The following FLNC variants were observed in gnomAD, a reference collection of about 807,000 sequenced individuals.
FLNC encodes filamin-C.
In FLNC, 91 loss-of-function variants were observed where a neutral mutation model predicts 254.3. The observed-to-expected ratio is 0.36, with a 90% CI of 0.30 to 0.43. FLNC has a LOEUF of 0.43. Ranked by LOEUF, FLNC falls within the 20% of genes least tolerant of loss-of-function variation. The pLI, the probability that FLNC is intolerant of heterozygous loss-of-function variation, is 1.00. For synonymous variants in FLNC, 1,430 were observed against 1,577.2 expected (o/e 0.91, Z 2.21); for missense variants, 2,853 against 3,802.6 (o/e 0.75, Z 6.57).
rs770606675 is a variant in FLNC, at chr7:128,841,304, C to T, written c.1948C>T (p.Arg650Ter). Residue 650 changes from arginine (R) to a stop codon, truncating the protein, a stop_gained, in exon 12 of 48, where the codon CGA becomes TGA. Coordinates refer to ENST00000325888, the MANE Select transcript of FLNC (RefSeq NM_001458.5). LOFTEE classifies it high-confidence loss of function. This position sits in a 1 kb window ranked among gnomAD's most constrained non-coding sequence, Gnocchi z 4.3. ...CGTCATCTGTGACGATGAGGACATC[C>T]GAGACTCACCCTTCATTGCCCACAT... is the stretch of plus-strand genomic sequence containing the variant. ...VHVICDDEDI[R>*]DSPFIAHILP... 3.1e-6 allele frequency: 5 copies of T among 1,614,086 alleles called. No homozygotes were observed. The highest frequency in any genetic ancestry group is 2.2e-5 in the East Asian group (1 of 44,890).
Position 128,854,009 on chromosome 7 carries a change from C to T in FLNC, c.6520C>T (p.Leu2174=), listed in dbSNP as rs750187344. 6.2e-7 allele frequency: 1 copy of T among 1,613,326 alleles called. No individual in the cohort carries two copies. The highest frequency in any genetic ancestry group is 8.5e-7 in the Non-Finnish European group (1 of 1,180,022). Residue 2174 remains leucine, a synonymous_variant, in exon 40 of 48, where the codon CTG becomes TTG. Transcript: ENST00000325888. ...WFQMVSAQER[L]TRTFTRSSHT... ...CCAGATGGTGTCTGCCCAGGAGCGC[C>T]TGACACGCACCTTCACACGCAGCAG...
Position 128,840,844 on chromosome 7 carries a change from G to T in FLNC, c.1687G>T (p.Val563Leu), listed in dbSNP as rs1322544720. The T allele has an allele frequency of 6.2e-7, 1 of 1,613,796 alleles. No homozygotes were observed. Among genetic ancestry groups the T allele is most frequent in the South Asian group, 1.1e-5 (1 of 91,070 alleles). The stretch of plus-strand genomic sequence containing the variant: ...TCCCTCTCTGCCCAGCCCCTTTGAG[G>T]TACAGGTGAGCCCAGAGGCAGGAGT... ...GYAIPRSPFE[V>L]QVSPEAGVQK... is the part of the protein sequence containing the mutation. The change falls in exon 11 of 48, where the codon GTA (valine) becomes TTA (leucine). Residue 563 changes from valine (V) to leucine (L), a missense_variant. Coordinates refer to ENST00000325888, the MANE Select transcript of FLNC (RefSeq NM_001458.5).
rs1159994552 is a variant in FLNC, at chr7:128,846,453, G to A, written c.4117G>A (p.Val1373Met). The A allele has an allele frequency of 9.4e-6, 15 of 1,601,882 alleles. No individual in the cohort carries two copies. Among genetic ancestry groups the A allele is most frequent in the Non-Finnish European group, 1.1e-5 (13 of 1,179,956 alleles). Residue 1373 changes from valine (V) to methionine (M), a missense_variant, in exon 23 of 48, where the codon GTG becomes ATG. This residue lies in a region of FLNC where 1,573 missense variants were observed against 1,883.5 expected (regional missense o/e 0.84). Transcript: ENST00000325888. ...GLVNKANRFT[V>M]ETRGAGTGGL... ...GGTCAACAAGGCCAACCGATTCACT[G>A]TGGAGACCAGGTATCCTCCCCCTTT... is the stretch of plus-strand genomic sequence containing the variant.
At position 128,844,088 on chromosome 7, in the gene FLNC, C is replaced by A; in HGVS notation, c.3014C>A (p.Ser1005Ter). Residue 1005 changes from serine (S) to a stop codon, truncating the protein, a stop_gained, in exon 20 of 48, where the codon TCG becomes TAG. Transcript: ENST00000325888. LOFTEE classifies it high-confidence loss of function. ...GGCCAACTGGATGTGCGGATGACTT[C>A]GCCCTCTCGCCGGCCCATCCCCTGC... ...GQGQLDVRMT[S>*]PSRRPIPCKL... 6.2e-7 allele frequency: 1 copy of A among 1,613,966 alleles called. No individual in the cohort carries two copies. The highest frequency in any genetic ancestry group is 8.5e-7 in the Non-Finnish European group (1 of 1,180,038).
chr7:128,843,436 C>T lies in FLNC; in HGVS notation c.2670C>T (p.Phe890=). The T allele has an allele frequency of 6.2e-7, 1 of 1,614,132 alleles. No individual in the cohort carries two copies. The highest frequency in any genetic ancestry group is 2.2e-5 in the East Asian group (1 of 44,890). ...TGVEVGKPTH[F]TVLTKGAGKA... is the part of the protein sequence containing the mutation. ...TGGAAGTCGGGAAGCCCACCCACTT[C>T]ACGGTGCTGACCAAGGGAGCCGGCA... The change falls in exon 18 of 48, where the codon TTC becomes TTT. Residue 890 remains phenylalanine, a synonymous_variant. Transcript: ENST00000325888.
intron 35 of FLNC, 150 bp from the exon 36 acceptor site, chr7:128,852,441 C>T: frequency 1.2e-6 from 1 of 840,214 alleles, no homozygotes; most frequent in Non-Finnish European, 2.0e-6. Context: ...GTGCAGACTG[C>T]ACTTTCCAGG....
Position 128,854,580 on chromosome 7 carries a change from G to T in FLNC, c.6895G>T (p.Gly2299Cys). The change falls in exon 41 of 48, where the codon GGC becomes TGC. Residue 2299 changes from glycine (G) to cysteine (C), a missense_variant. Physicochemically the swap from Gly to Cys is radical, Grantham distance 159. Around this residue, in one of 10 missense-constraint regions of FLNC, gnomAD observed 551 missense variants for 835.0 expected, o/e 0.66. Coordinates refer to ENST00000325888, the MANE Select transcript of FLNC (RefSeq NM_001458.5). ...CAAGTACCGTGGCCAGCACGTGCCCGGCAGCCCCTTTCAGTTCACTGTGGG... is the reference window on the plus strand; with the variant it reads ...CAAGTACCGTGGCCAGCACGTGCCCTGCAGCCCCTTTCAGTTCACTGTGGG... ...AVKYRGQHVP[G>C]SPFQFTVGPL... 1 of 1,609,532 alleles carries T rather than the reference G, an allele frequency of 6.2e-7. No individual in the cohort carries two copies. The highest frequency in any genetic ancestry group is 8.5e-7 in the Non-Finnish European group (1 of 1,178,442).
In FLNC at chr7:128,853,624, A is replaced by G. The variant is rs1253447059; in HGVS notation, c.6361+3A>G. ...GTTTGCTGACAAGCACGTGCCTGGT[A>G]AGGCTCTGGGCAGAGGTCGGTGGCG... is the stretch of plus-strand genomic sequence containing the variant. On this transcript the variant is annotated splice_donor_region_variant and intron_variant, in intron 38 of 47. Coordinates refer to ENST00000325888, the MANE Select transcript of FLNC (RefSeq NM_001458.5). 2 of 1,614,072 alleles carry G rather than the reference A, an allele frequency of 1.2e-6. No homozygotes were observed. Among genetic ancestry groups the G allele is most frequent in the East Asian group, 4.5e-5 (2 of 44,876 alleles).
In FLNC at chr7:128,856,824, T is replaced by G; in HGVS notation, c.7464T>G (p.Pro2488=). 1 of 1,614,194 alleles carries G rather than the reference T, an allele frequency of 6.2e-7. No individual in the cohort carries two copies. The highest frequency in any genetic ancestry group is 8.5e-7 in the Non-Finnish European group (1 of 1,180,018). The change falls in exon 45 of 48, where the codon CCT becomes CCG. Residue 2488 remains proline (P), a synonymous_variant. Transcript: ENST00000325888. The surrounding 1 kb of genome is among the most constrained non-coding windows in gnomAD (Gnocchi z 5.9). ...IDVKFNGAHI[P]GSPFKIRVGE... is the part of the protein sequence containing the mutation. ...TCAAGTTCAACGGTGCCCACATCCCTGGAAGTCCCTTCAAGATCCGCGTTG... is the reference window on the plus strand; with the variant it reads ...TCAAGTTCAACGGTGCCCACATCCCGGGAAGTCCCTTCAAGATCCGCGTTG...
At chr7:128,839,014 A>G (rs1808220842) in intron 8 of FLNC, among the ~76,000 whole-genome samples, 1 of 152,172 alleles carries the variant, frequency 6.6e-6, no homozygotes, top group Non-Finnish European at 1.5e-5. Flanking sequence ...GCTGAGCGGA[A>G]GTGACGGGGC....
Position 128,854,119 on chromosome 7 carries a change from C to G in FLNC, c.6630C>G (p.Ser2210=). 1 of 1,612,946 alleles carries G rather than the reference C, an allele frequency of 6.2e-7. No individual in the cohort carries two copies. Among genetic ancestry groups the G allele is most frequent in the Non-Finnish European group, 8.5e-7 (1 of 1,179,930 alleles). Residue 2210 remains serine (S), a synonymous_variant, in exon 40 of 48, where the codon TCC becomes TCG. Transcript: ENST00000325888. Reference sequence around the variant, plus strand: ...AGCGCGAGGTGCGGGTGGAGGAGTCCACCCAGGTCGGCGGGGACCCCTTCC... The same window carrying G: ...AGCGCGAGGTGCGGGTGGAGGAGTCGACCCAGGTCGGCGGGGACCCCTTCC... ...ETKREVRVEE[S]TQVGGDPFPA... is the part of the protein sequence containing the mutation.
In FLNC at chr7:128,844,017, A is replaced by G. The variant is rs759397444; in HGVS notation, c.2943A>G (p.Gly981=). 6.2e-7 allele frequency: 1 copy of G among 1,614,100 alleles called. No homozygotes were observed. The highest frequency in any genetic ancestry group is 1.7e-5 in the Admixed American group (1 of 60,022). ...VQGLNSKVAV[G]QEQAFSVNTR... is the part of the protein sequence containing the mutation. ...CCCTCCACGCAGAGGTGGCTGTGGG[A>G]CAGGAACAAGCATTCTCTGTGAACA... Residue 981 remains glycine, a synonymous_variant, in exon 20 of 48, where the codon GGA becomes GGG. Coordinates refer to ENST00000325888, the MANE Select transcript of FLNC (RefSeq NM_001458.5).
chr7:128,843,789 C>G lies in FLNC; in HGVS notation c.2812-7C>G, dbSNP rs1808439535. On this transcript the variant is annotated splice_polypyrimidine_tract_variant and splice_region_variant and intron_variant, in intron 18 of 47. Transcript: ENST00000325888. The stretch of plus-strand genomic sequence containing the variant: ...ATCCAGTTCTGACCTACCATTGTAC[C>G]CAACAGGGCAACATGGCAGTGACAG... 6.2e-7 allele frequency: 1 copy of G among 1,612,752 alleles called. No individual in the cohort carries two copies. The highest frequency in any genetic ancestry group is 8.5e-7 in the Non-Finnish European group (1 of 1,178,922).
In FLNC at chr7:128,856,409, G is replaced by A. The variant is rs1013178107; in HGVS notation, c.7252-109G>A. 19 of 1,436,360 alleles carry A rather than the reference G, an allele frequency of 1.3e-5. No homozygotes were observed. The African/African-American group carries it at 2.4e-4, about 18-fold the overall frequency. 89.0% of individuals were successfully genotyped at this position (1,436,360 alleles called of 1,614,324 possible). ...GCAGGGGCCAGGCTGGGCATGGGGT[G>A]GCAGCAGCCTTTGGGCTGGGCTTAC... is the stretch of plus-strand genomic sequence containing the variant. On this transcript the variant is annotated intron_variant, in intron 43 of 47. Transcript: ENST00000325888. This position sits in a 1 kb window ranked among gnomAD's most constrained non-coding sequence, Gnocchi z 5.9.
chr7:128,849,906 C>G (rs1808730980), intron 30 of FLNC, 70 bp from the exon 31 acceptor site: 1 of 1,112,298 alleles, frequency 9.0e-7, no homozygotes, highest in African/African-American at 1.5e-5. Context: ...GGTTCCTGGG[C>G]CATTCTCTGA....
In FLNC at chr7:128,840,577, G is replaced by C; in HGVS notation, c.1579G>C (p.Glu527Gln). The change falls in exon 10 of 48, where the codon GAG becomes CAG. Residue 527 changes from glutamate (E) to glutamine (Q), a missense_variant. Around this residue, in one of 10 missense-constraint regions of FLNC, gnomAD observed 1,573 missense variants for 1,883.5 expected, o/e 0.84. Transcript: ENST00000325888. ...KGTEEPVKVR[E>Q]AGDGVFECEY... ...CACAGAGGAGCCAGTGAAGGTGCGGGAGGCTGGGGATGGTGTGTTCGAGTG... is the reference window on the plus strand; with the variant it reads ...CACAGAGGAGCCAGTGAAGGTGCGGCAGGCTGGGGATGGTGTGTTCGAGTG... The C allele has an allele frequency of 1.2e-6, 2 of 1,614,244 alleles. No homozygotes were observed. Among genetic ancestry groups the C allele is most frequent in the Non-Finnish European group, 1.7e-6 (2 of 1,180,044 alleles).
chr7:128,851,198 G>T (rs1808795742), intron 33 of FLNC, 34 bp from the exon 34 acceptor site: 1 of 1,613,598 alleles, frequency 6.2e-7, no homozygotes, highest in African/African-American at 1.3e-5. Context: ...AATCCCTGAT[G>T]CTGACCCAGC....
Position 128,858,800 on chromosome 7 carries a change from G to A in FLNC, c.*277G>A. 1 of 518,482 alleles carries A rather than the reference G, an allele frequency of 1.9e-6. No individual in the cohort carries two copies. The allele number at this position is 518,482 out of a possible 1,614,324, so 32.1% of individuals were successfully genotyped here. ...AGGGGCAGAGGCTGGGACACAAGGG[G>A]CTGGCGAGGGCTGCGAGGCCAGGGA... On this transcript the variant is annotated 3_prime_UTR_variant, in exon 48 of 48. Transcript: ENST00000325888. The surrounding 1 kb of genome is among the most constrained non-coding windows in gnomAD (Gnocchi z 6.7).
chr7:128,858,968 C>T lies in FLNC; in HGVS notation c.*445C>T. ...GGTCTGGTCTCTCTGGTGGCTACAA[C>T]CCCAGAGTTTTAAGGACTTGGAAAG... On this transcript the variant is annotated 3_prime_UTR_variant, in exon 48 of 48. Coordinates refer to ENST00000325888, the MANE Select transcript of FLNC (RefSeq NM_001458.5). This position sits in a 1 kb window ranked among gnomAD's most constrained non-coding sequence, Gnocchi z 6.7. 4.9e-6 allele frequency: 1 copy of T among 203,164 alleles called. No homozygotes were observed. Among genetic ancestry groups the T allele is most frequent in the Non-Finnish European group, 1.0e-5 (1 of 98,094 alleles). The allele number at this position is 203,164 out of a possible 1,614,324, so 12.6% of individuals were successfully genotyped here. A position where few individuals can be genotyped will look rare whatever the true frequency, so the allele number is the denominator to read the frequency against.
Sources: gnomAD v4.1 joint callset for allele counts (sites outside exome capture counted in the v4.1 genomes callset) on GRCh38, gnomAD v4.1.1 for gene constraint, gnomAD v4.1.1 regional missense constraint, Gnocchi (gnomAD v3.1) non-coding constraint, MANE v1.5 for transcripts, NCBI Gene and HGNC (gene_info 2026-07-23, HGNC 2026-07-21) for gene names.